The following ZNF143 variants were observed in gnomAD, a reference collection of about 807,000 sequenced individuals.
The protein encoded by ZNF143 is SPH-binding factor.
ZNF143 carries 49 observed loss-of-function variants against 74.1 expected under a neutral mutation model. The observed-to-expected ratio is 0.66, with a 90% CI of 0.53 to 0.84. ZNF143 has a LOEUF of 0.84. ZNF143 is among the 40% of genes least tolerant of loss of function. The pLI, the probability that ZNF143 is intolerant of heterozygous loss-of-function variation, is 0.00. For synonymous variants in ZNF143, 304 were observed against 282.8 expected, an observed-to-expected ratio of 1.07 and a Z score of -0.75; for missense variants, 637 against 793.4, an observed-to-expected ratio of 0.80 and a Z score of 2.37.
At chr11:9,498,134 C>G (rs1407069834) in intron 10 of ZNF143, among the ~76,000 whole-genome samples, 2 of 152,214 alleles carry the variant, frequency 1.3e-5, no homozygotes, top group Non-Finnish European at 2.9e-5. Context: ...CCGGCCTAGG[C>G]CAAGTTAATC....
intron 15 of ZNF143, among the ~76,000 whole-genome samples, chr11:9,526,121 G>T (rs1849117755): frequency 6.6e-6 from 1 of 152,024 alleles, no homozygotes. Flanking sequence ...CTCCCGCCTG[G>T]GTAACAAATG....
At chr11:9,520,182 C>T (rs1212316144) in intron 14 of ZNF143, among the ~76,000 whole-genome samples, 1 of 151,414 alleles carries the variant, frequency 6.6e-6, no homozygotes, top group East Asian at 1.9e-4. Context: ...ATTACAGGCA[C>T]CCACCAGCAT....
intron 11 of ZNF143, among the ~76,000 whole-genome samples, chr11:9,506,898 C>CA (rs1848384741): frequency 6.6e-6 from 1 of 152,092 alleles, no homozygotes; most frequent in South Asian, 2.1e-4. Flanking sequence ...AAGCTCAATC[C>CA]AAATCCATTC....
At position 9,527,674 on chromosome 11, in the gene ZNF143, C is replaced by A; in HGVS notation, c.*61C>A. 1 of 1,520,852 alleles carries A rather than the reference C, an allele frequency of 6.6e-7. No homozygotes were observed. The highest frequency in any genetic ancestry group is 1.1e-5 in the South Asian group (1 of 88,082). 94.2% of individuals were successfully genotyped at this position (1,520,852 alleles called of 1,614,324 possible). A position where few individuals can be genotyped will look rare whatever the true frequency, so the allele number is the denominator to read the frequency against. On this transcript the variant is annotated 3_prime_UTR_variant, in exon 16 of 16. Transcript: ENST00000396602. ...CTTTCATCTTCTGGCAGCAGAAATC[C>A]ATGAAGCCCGGGCCCAGGAAAATTA... is the stretch of plus-strand genomic sequence containing the variant.
intron 1 of ZNF143, among the ~76,000 whole-genome samples, chr11:9,468,961 C>T (rs1206023557): frequency 6.6e-6 from 1 of 151,782 alleles, no homozygotes; most frequent in African/African-American, 2.4e-5. Context: ...TGGTGAAACC[C>T]CACCTCTACT....
At chr11:9,501,965 T>A (rs1848178819) in intron 11 of ZNF143, among the ~76,000 whole-genome samples, 1 of 137,410 alleles carries the variant, frequency 7.3e-6, no homozygotes, top group Non-Finnish European at 1.6e-5. Flanking sequence ...GGATGGAGTT[T>A]CGCTGTTGTT....
At chr11:9,513,383 T>C (rs1387343649) in intron 13 of ZNF143, among the ~76,000 whole-genome samples, 1 of 152,256 alleles carries the variant, frequency 6.6e-6, no homozygotes, top group African/African-American at 2.4e-5. Context: ...AATTTCACAC[T>C]ATACTCTCTG....
At chr11:9,500,997 C>T (rs1848137993) in intron 10 of ZNF143, 94 bp from the exon 11 acceptor site, 2 of 1,477,728 alleles carry the variant, frequency 1.4e-6, no homozygotes, top group Non-Finnish European at 1.9e-6. Context: ...AGGCTAGAGT[C>T]TTGAGCATAA....
At chr11:9,506,280 C>T (rs565126085) in intron 11 of ZNF143, among the ~76,000 whole-genome samples, 3 of 152,286 alleles carry the variant, frequency 2.0e-5, no homozygotes, top group South Asian at 2.1e-4. Context: ...TGCAGTGAGT[C>T]GAGATCACAC....
intron 11 of ZNF143, among the ~76,000 whole-genome samples, chr11:9,507,768 A>AT (rs1379217702): frequency 1.3e-5 from 2 of 152,184 alleles, no homozygotes; most frequent in Admixed American, 1.3e-4. Context: ...TTGTTTACAT[A>AT]TTTTTTAAAC....
At chr11:9,480,879 CTG>C (rs1175293711) in intron 7 of ZNF143, among the ~76,000 whole-genome samples, 1 of 146,198 alleles carries the variant, frequency 6.8e-6, no homozygotes, top group African/African-American at 2.6e-5. Flanking sequence ...AAGAACGAAA[CTG>C]TCTCAAAAAA....
intron 5 of ZNF143, among the ~76,000 whole-genome samples, chr11:9,477,349 G>T (rs1038519298): frequency 6.6e-6 from 1 of 151,864 alleles, no homozygotes; most frequent in Non-Finnish European, 1.5e-5. Context: ...CCACATCCTG[G>T]GTTCAAGCGA....
intron 7 of ZNF143, among the ~76,000 whole-genome samples, chr11:9,485,580 C>G (rs1847441286): frequency 6.6e-6 from 1 of 151,376 alleles, no homozygotes; most frequent in Non-Finnish European, 1.5e-5. Flanking sequence ...CTCCTGCCCT[C>G]AAGTGATCCA....
intron 14 of ZNF143, among the ~76,000 whole-genome samples, chr11:9,517,335 G>A (rs1848759904): frequency 6.6e-6 from 1 of 151,808 alleles, no homozygotes; most frequent in African/African-American, 2.4e-5. Flanking sequence ...GTATTCCACT[G>A]TATGGATGTG....
intron 11 of ZNF143, among the ~76,000 whole-genome samples, chr11:9,502,466 C>T (rs1384017037): frequency 1.3e-5 from 2 of 150,578 alleles, no homozygotes; most frequent in East Asian, 2.0e-4. Flanking sequence ...AAAAATTAGC[C>T]GGGCATGGTG....
intron 11 of ZNF143, among the ~76,000 whole-genome samples, chr11:9,502,683 A>G (rs1848210553): frequency 6.6e-6 from 1 of 151,862 alleles, no homozygotes. Flanking sequence ...CCACAATTCA[A>G]TTTTAGAATA....
At chr11:9,490,222 A>G (rs996885018) in intron 7 of ZNF143, among the ~76,000 whole-genome samples, 1 of 151,504 alleles carries the variant, frequency 6.6e-6, no homozygotes, top group Non-Finnish European at 1.5e-5. Flanking sequence ...ATGGAAGTAG[A>G]CCAAGAAGTT....
intron 3 of ZNF143, among the ~76,000 whole-genome samples, chr11:9,473,347 C>G (rs1023032543): frequency 2.0e-5 from 3 of 150,176 alleles, no homozygotes; most frequent in Non-Finnish European, 4.4e-5. Flanking sequence ...GCCGAGATCA[C>G]GCCATTGCAC....
intron 5 of ZNF143, among the ~76,000 whole-genome samples, chr11:9,476,951 G>T (rs1181679164): frequency 3.3e-5 from 5 of 149,396 alleles, no homozygotes; most frequent in Admixed American, 1.3e-4. Flanking sequence ...TTTAGTAGAG[G>T]CGGGGTTTCA....
Sources: allele counts gnomAD v4.1 joint callset (sites outside exome capture counted in the v4.1 genomes callset), GRCh38; gene constraint gnomAD v4.1.1; transcripts MANE v1.5; gene names NCBI Gene and HGNC (gene_info 2026-07-23, HGNC 2026-07-21).